The following CAPN14 variants were observed in gnomAD, a reference collection of about 807,000 sequenced individuals.
CAPN14 encodes calpain 14.
A neutral mutation model predicts 101.3 loss-of-function variants in CAPN14; 94 were observed. That is an observed-to-expected ratio of 0.93 (90% confidence interval 0.79 to 1.10). The LOEUF (loss-of-function observed/expected upper bound fraction) is 1.10, where lower values mean the gene tolerates loss of function less well. Ranked by LOEUF, CAPN14 falls within the 50% of genes least tolerant of loss-of-function variation. The probability of loss-of-function intolerance (pLI) is 0.00; values close to 1 mark genes in which losing one functional copy is unlikely to be tolerated. For synonymous variants in CAPN14, 338 were observed against 317.9 expected (o/e 1.06, Z -0.67); for missense variants, 837 against 828.4 (o/e 1.01, Z -0.13).
chr2:31,221,487 A>T (rs1682861416), upstream of CAPN14, among the ~76,000 whole-genome samples: 1 of 152,096 alleles, frequency 6.6e-6, no homozygotes, highest in Non-Finnish European at 1.5e-5. Context: ...TTTGTTCCTG[A>T]TATCATTTTC....
At chr2:31,228,519 G>A (rs907707563) in intron 1 of CAPN14, 2 of 152,174 alleles carry the variant, frequency 1.3e-5, no homozygotes, top group African/African-American at 4.8e-5. Flanking sequence ...GCCATCCTCA[G>A]TTAAGACACA....
At chr2:31,194,236 C>T (rs999433015) in intron 9 of CAPN14, among the ~76,000 whole-genome samples, 173 bp downstream of exon 9, 2 of 152,162 alleles carry the variant, frequency 1.3e-5, no homozygotes, top group African/African-American at 2.4e-5. Flanking sequence ...AGACAGTGAC[C>T]GTTTATTTAC....
intron 1 of CAPN14, among the ~76,000 whole-genome samples, chr2:31,217,112 T>C (rs1682680125): frequency 6.6e-6 from 1 of 152,088 alleles, no homozygotes. Context: ...TGACAGCACC[T>C]AGCAGCATCA....
chr2:31,179,981 A>G (rs1680506916), intron 17 of CAPN14, among the ~76,000 whole-genome samples: 1 of 152,228 alleles, frequency 6.6e-6, no homozygotes, highest in African/African-American at 2.4e-5. Flanking sequence ...AGCTTATGGA[A>G]GGAGTCAGGC....
At chr2:31,229,667 A>G (rs1158624324) in intron 1 of CAPN14, among the ~76,000 whole-genome samples, 1 of 139,746 alleles carries the variant, frequency 7.2e-6, no homozygotes, top group Non-Finnish European at 1.5e-5. Context: ...TGACAGAGCA[A>G]GACCCTATGT....
Position 31,187,871 on chromosome 2 carries a change from G to A in CAPN14, c.1531-57C>T, listed in dbSNP as rs528072254. 2.3e-5 allele frequency: 31 copies of A among 1,335,850 alleles called. No homozygotes were observed. In the African/African-American group the frequency reaches 3.0e-4, roughly 13 times the overall value. The allele number at this position is 1,335,850 out of a possible 1,614,324, so 82.7% of individuals were successfully genotyped here. On this transcript the variant is annotated intron_variant, in intron 14 of 21. Coordinates refer to ENST00000403897, the MANE Select transcript of CAPN14 (RefSeq NM_001145122.2). ...TATTCACCTGTATAAACGGACTTTCGTGCACACCCTAATGTCTCATGGCTT... is the reference window on the plus strand; with the variant it reads ...TATTCACCTGTATAAACGGACTTTCATGCACACCCTAATGTCTCATGGCTT...
chr2:31,177,209 G>A (rs751499096), intron 19 of CAPN14, 67 bp from the exon 20 acceptor site: 2 of 1,082,914 alleles, frequency 1.8e-6, no homozygotes, highest in Non-Finnish European at 2.7e-6. Context: ...CCTGCTCAAG[G>A]CCCCTTCAAA....
intron 2 of CAPN14, among the ~76,000 whole-genome samples, chr2:31,226,122 T>C (rs539915977): frequency 2.6e-5 from 4 of 152,324 alleles, no homozygotes; most frequent in Middle Eastern, 3.4e-3. Context: ...TCTTTAAGAT[T>C]TGACAAATCA....
chr2:31,202,092 C>T, intron 4 of CAPN14, 42 bp downstream of exon 4: 2 of 1,549,750 alleles, frequency 1.3e-6, no homozygotes, highest in South Asian at 2.4e-5. Context: ...AACCCTTTTT[C>T]CTATGACTCC....
In CAPN14 at chr2:31,189,379, C is replaced by A; in HGVS notation, c.1387G>T (p.Glu463Ter). ...TACGTCCCTGGTTCCAGACACAGCT[C>A]CTGACTCACTTCTTTCTCCTTGAGA... ...RFLKEKEVSQ[E>*]LCLEPGTYLI... The change falls in exon 13 of 22, where the codon GAG becomes TAG. Residue 463 changes from glutamate (E) to a stop codon, truncating the protein, a stop_gained. Transcript: ENST00000403897. LOFTEE classifies it high-confidence loss of function. 1.3e-6 allele frequency: 2 copies of A among 1,551,746 alleles called. No individual in the cohort carries two copies. The highest frequency in any genetic ancestry group is 1.7e-6 in the Non-Finnish European group (2 of 1,147,008).
chr2:31,177,856 G>A (rs1443706), intron 18 of CAPN14, 35 bp from the exon 19 acceptor site: 380,107 of 1,508,462 alleles, frequency 0.25, 53,598 homozygotes, highest in African/African-American at 0.56. Flanking sequence ...CAGGAAGCCA[G>A]GCATTTCCAA....
chr2:31,201,794 C>A, intron 5 of CAPN14, 68 bp downstream of exon 5: 1 of 1,527,750 alleles, frequency 6.5e-7, no homozygotes. Context: ...GACTCCACTC[C>A]CCTCCCTCAA....
chr2:31,227,517 G>C (rs1213122133), intron 1 of CAPN14, among the ~76,000 whole-genome samples: 2 of 152,178 alleles, frequency 1.3e-5, no homozygotes, highest in African/African-American at 4.8e-5. Context: ...CATCCAAGGG[G>C]AAAGGGAACT....
At chr2:31,180,151 C>T (rs1402391277) in intron 17 of CAPN14, among the ~76,000 whole-genome samples, 1 of 150,816 alleles carries the variant, frequency 6.6e-6, no homozygotes, top group Non-Finnish European at 1.5e-5. Context: ...GAGTTACACA[C>T]TTCACCTGTA....
chr2:31,188,972 T>G (rs1681044703), intron 13 of CAPN14, among the ~76,000 whole-genome samples: 1 of 152,212 alleles, frequency 6.6e-6, no homozygotes, highest in South Asian at 2.1e-4. Flanking sequence ...CACTGGAAGA[T>G]CAATAACTGC....
intron 16 of CAPN14, among the ~76,000 whole-genome samples, chr2:31,185,135 AT>A (rs1218261464): frequency 6.6e-6 from 1 of 152,240 alleles, no homozygotes; most frequent in Non-Finnish European, 1.5e-5. Context: ...TGCAGCTCCA[AT>A]AAGCCTATAT....
At chr2:31,229,679 CAAAAA>C (rs3031884) in intron 1 of CAPN14, among the ~76,000 whole-genome samples, 8 of 99,044 alleles carry the variant, frequency 8.1e-5, no homozygotes, top group African/African-American at 1.5e-4. Flanking sequence ...ACCCTATGTC[CAAAAA>C]AAAAAAAAAA....
At position 31,187,757 on chromosome 2, in the gene CAPN14, C is replaced by T. The variant is rs1680976168; in HGVS notation, c.1587+1G>A. On this transcript the variant is annotated splice_donor_variant, in intron 15 of 21. Coordinates refer to ENST00000403897, the MANE Select transcript of CAPN14 (RefSeq NM_001145122.2). LOFTEE classifies it high-confidence loss of function. ...CCCCCCACCACACCTGTTCAACTAA[C>T]CTTTTCAAAGAATTTGGTGAAGAAT... 1 of 1,551,288 alleles carries T rather than the reference C, an allele frequency of 6.4e-7. No homozygotes were observed. Among genetic ancestry groups the T allele is most frequent in the Non-Finnish European group, 8.7e-7 (1 of 1,146,408 alleles).
At chr2:31,193,021 C>G (rs1012294832) in intron 10 of CAPN14, 110 bp downstream of exon 10, 101 of 1,105,422 alleles carry the variant, frequency 9.1e-5, no homozygotes, top group Non-Finnish European at 1.2e-4. Flanking sequence ...AGCAGAGCCT[C>G]CTCCCCACTC....
Sources: allele counts gnomAD v4.1 joint callset (sites outside exome capture counted in the v4.1 genomes callset), GRCh38; gene constraint gnomAD v4.1.1; transcripts MANE v1.5; gene names NCBI Gene and HGNC (gene_info 2026-07-23, HGNC 2026-07-21).